The following FAXC variants were observed in gnomAD, a reference collection of about 807,000 sequenced individuals.
FAXC encodes the protein failed axon connections homolog.
A neutral mutation model predicts 41.9 loss-of-function variants in FAXC; 10 were observed. The ratio of observed to expected loss-of-function variants is 0.24; its 90% CI spans 0.15 to 0.41. The LOEUF (loss-of-function observed/expected upper bound fraction) is 0.41, where lower values mean the gene tolerates loss of function less well. Ranked by LOEUF, FAXC falls within the 10% of genes least tolerant of loss-of-function variation. The pLI is 1.00. For synonymous variants in FAXC, 183 were observed against 183.8 expected (o/e 1.00, Z 0.03); for missense variants, 399 against 510.9 (o/e 0.78, Z 2.11).
At chr6:99,342,196 C>T (rs2128465283) in intron 2 of FAXC, among the ~76,000 whole-genome samples, 1 of 152,318 alleles carries the variant, frequency 6.6e-6, no homozygotes, top group East Asian at 1.9e-4. Context: ...ACCTCGTGGC[C>T]TACTGGGCCT....
At chr6:99,321,955 A>AG (rs1433177591) in intron 4 of FAXC, among the ~76,000 whole-genome samples, 1 of 152,218 alleles carries the variant, frequency 6.6e-6, no homozygotes, top group Admixed American at 6.5e-5. Flanking sequence ...CCGGTGAGGA[A>AG]GGGGAAGAAG....
At chr6:99,327,469 T>C (rs1055061576) in intron 3 of FAXC, among the ~76,000 whole-genome samples, 1 of 152,172 alleles carries the variant, frequency 6.6e-6, no homozygotes, top group African/African-American at 2.4e-5. Flanking sequence ...CTTTCTATAT[T>C]CTTGAACTCT....
rs754376527 is a variant in FAXC at position 99,347,166 on chromosome 6, C to CCT, written c.266+1940_266+1941insAG. Among the ~76,000 whole-genome samples the CCT allele has an allele frequency of 2.6e-5, 4 of 152,226 alleles. No individual in the cohort carries two copies. In the South Asian group the frequency reaches 6.2e-4, roughly 24 times the overall value. ...CCTGTAATCCCAGCAACTCAGCAGA[C>CCT]TGAGGCCAGAGGATCGCTTGATCCC... On this transcript the variant is annotated intron_variant, in intron 1 of 5. Transcript: ENST00000389677.
In FAXC at chr6:99,275,645, T is replaced by G. The variant is rs1359131656; in HGVS notation, c.*5519A>C. ...CAGCTGAACCCCTTTTTTTTAAATC[T>G]ATGCTTCAGTGCCCTCTGTAATCAT... is the stretch of plus-strand genomic sequence containing the variant. On this transcript the variant is annotated 3_prime_UTR_variant, in exon 6 of 6. Transcript: ENST00000389677. 6.6e-6 allele frequency: 1 copy of G among 152,196 alleles called. No homozygotes were observed. The highest frequency in any genetic ancestry group is 1.5e-5 in the Non-Finnish European group (1 of 68,028). 9.4% of individuals were successfully genotyped at this position (152,196 alleles called of 1,614,324 possible). A position where few individuals can be genotyped will look rare whatever the true frequency, so the allele number is the denominator to read the frequency against.
At chr6:99,288,905 C>T (rs564197339) in intron 5 of FAXC, among the ~76,000 whole-genome samples, 9 of 127,556 alleles carry the variant, frequency 7.1e-5, no homozygotes, top group Middle Eastern at 4.5e-3. Context: ...GGCTCCACCA[C>T]TTCCCCACCC....
At chr6:99,291,321 A>G (rs371614152) in intron 5 of FAXC, among the ~76,000 whole-genome samples, 226 of 152,348 alleles carry the variant, frequency 1.5e-3, no homozygotes, top group South Asian at 8.1e-3. Flanking sequence ...GAAAGTGGGG[A>G]GCCCCCATTG....
intron 3 of FAXC, among the ~76,000 whole-genome samples, chr6:99,324,387 G>C (rs1281235407): frequency 6.6e-6 from 1 of 151,972 alleles, no homozygotes; most frequent in Non-Finnish European, 1.5e-5. Flanking sequence ...TTTTGATAGC[G>C]CATTAGGGAG....
chr6:99,343,503 T>C (rs1042757645), intron 1 of FAXC, among the ~76,000 whole-genome samples: 2 of 152,182 alleles, frequency 1.3e-5, no homozygotes, highest in East Asian at 1.9e-4. Context: ...CCTTATGAAG[T>C]AGGTACTACT....
At chr6:99,310,707 C>T (rs142138710) in intron 4 of FAXC, among the ~76,000 whole-genome samples, 128 of 152,360 alleles carry the variant, frequency 8.4e-4, no homozygotes, top group Middle Eastern at 3.4e-3. Flanking sequence ...CATGTCTTCA[C>T]TTTTCTTCTC....
At chr6:99,307,901 G>A (rs1771988674) in intron 4 of FAXC, among the ~76,000 whole-genome samples, 2 of 152,094 alleles carry the variant, frequency 1.3e-5, no homozygotes, top group Non-Finnish European at 1.5e-5. Context: ...CAGAGACAAC[G>A]CTGTGAAATA....
At chr6:99,281,909 TCCAGCCA>T (rs1319299420) in intron 5 of FAXC, among the ~76,000 whole-genome samples, 2 of 152,182 alleles carry the variant, frequency 1.3e-5, no homozygotes, top group South Asian at 2.1e-4. Flanking sequence ...AACTATGACA[TCCAGCCA>T]CTAGGCTTTC....
At chr6:99,296,116 T>A (rs1204696317) in intron 4 of FAXC, among the ~76,000 whole-genome samples, 2 of 152,242 alleles carry the variant, frequency 1.3e-5, no homozygotes, top group African/African-American at 4.8e-5. Flanking sequence ...ATTATTTTGT[T>A]GCTCAAATTG....
chr6:99,286,187 T>C (rs537842697), intron 5 of FAXC, among the ~76,000 whole-genome samples: 1 of 152,384 alleles, frequency 6.6e-6, no homozygotes, highest in African/African-American at 2.4e-5. Context: ...CATGCAGGCA[T>C]GGAGGACACT....
rs527386118 is a variant in FAXC at position 99,331,600 on chromosome 6, T to C, written c.599+1751A>G. ...GGAATATATATTTTCTAAACCATTA[T>C]GGAAATCAAAGAGTTGTAGCCAAAG... On this transcript the variant is annotated intron_variant, in intron 3 of 5. Coordinates refer to ENST00000389677, the MANE Select transcript of FAXC (RefSeq NM_032511.4). 6.6e-5 allele frequency among the ~76,000 whole-genome samples: 10 copies of C among 152,352 alleles called. 1 individual carries two copies. The South Asian group carries it at 2.1e-3, about 32-fold the overall frequency.
chr6:99,297,547 G>T (rs558514302), intron 4 of FAXC, among the ~76,000 whole-genome samples: 1 of 152,132 alleles, frequency 6.6e-6, no homozygotes, highest in Non-Finnish European at 1.5e-5. Flanking sequence ...AAGTTCCAGT[G>T]GGGGAGGGGG....
intron 5 of FAXC, chr6:99,284,279 CCTT>C (rs1365107865): frequency 6.6e-6 from 1 of 152,106 alleles, no homozygotes; most frequent in African/African-American, 2.4e-5. Context: ...AGGTGCCACC[CCTT>C]AATGGCAATG....
chr6:99,299,327 A>G (rs1013131094), intron 4 of FAXC, among the ~76,000 whole-genome samples: 1 of 152,182 alleles, frequency 6.6e-6, no homozygotes, highest in African/African-American at 2.4e-5. Context: ...TCCAAACTCT[A>G]TAAGTGACAA....
intron 4 of FAXC, among the ~76,000 whole-genome samples, chr6:99,292,239 T>A (rs1415467766): frequency 5.9e-5 from 9 of 152,166 alleles, no homozygotes; most frequent in African/African-American, 1.9e-4. Flanking sequence ...ATTATTAATT[T>A]AAATATATTT....
At chr6:99,344,862 C>T (rs557150447) in intron 1 of FAXC, among the ~76,000 whole-genome samples, 9 of 152,256 alleles carry the variant, frequency 5.9e-5, no homozygotes, top group Admixed American at 1.3e-4. Flanking sequence ...TCAGCCAGAA[C>T]GATCTAATTC....
Sources: gnomAD v4.1 joint callset for allele counts (sites outside exome capture counted in the v4.1 genomes callset) on GRCh38, gnomAD v4.1.1 for gene constraint, MANE v1.5 for transcripts, NCBI Gene and HGNC (gene_info 2026-07-23, HGNC 2026-07-21) for gene names.